CEACAM20: variants seen among roughly 807,000 people sequenced by gnomAD.
CEACAM20 encodes cell adhesion molecule CEACAM20.
In CEACAM20, 50 loss-of-function variants were observed where a neutral mutation model predicts 61.2. That is an observed-to-expected ratio of 0.82 (90% CI 0.65 to 1.03). CEACAM20 has a LOEUF of 1.03. Among genes scored for constraint, CEACAM20 ranks in the 50% least tolerant of loss-of-function variants. The pLI, the probability that CEACAM20 is intolerant of heterozygous loss-of-function variation, is 0.00. For missense variants in CEACAM20, 683 were observed against 736.4 expected, an observed-to-expected ratio of 0.93 and a Z score of 0.84; for synonymous variants, 282 against 287.7, an observed-to-expected ratio of 0.98 and a Z score of 0.20.
intron 5 of CEACAM20, among the ~76,000 whole-genome samples, chr19:44,518,150 G>GCAGGCAGGCAGGCAGGCAGGCAA: frequency 1.2e-5 from 1 of 86,624 alleles, no homozygotes; most frequent in African/African-American, 4.8e-5. Flanking sequence ...AAGGAAGGAA[G>GCAGGCAGGCAGGCAGGCAGGCAA]GAAGGAAGGA....
intron 11 of CEACAM20, 95 bp downstream of exon 11, chr19:44,510,935 T>G: frequency 6.8e-7 from 1 of 1,464,260 alleles, no homozygotes. Context: ...AAATTTTTCT[T>G]CATAGTTCAT....
Position 44,520,695 on chromosome 19 carries a change from C to T in CEACAM20, c.809G>A (p.Arg270Lys). Residue 270 changes from arginine to lysine, a missense_variant, in exon 5 of 12, where the codon AGG (arginine) becomes AAG (lysine). Transcript: ENST00000614924. ...PSSLNLVENA[R>K]SVDLTCQTVN... ...GGTTTGGCAGGTCAGGTCCACAGAC[C>T]TAGCATTCTCCACAAGGTTCAGGCT... 6.2e-7 allele frequency: 1 copy of T among 1,614,014 alleles called. No individual in the cohort carries two copies. The highest frequency in any genetic ancestry group is 8.5e-7 in the Non-Finnish European group (1 of 1,179,898).
chr19:44,525,032 G>T (rs1028174378), intron 2 of CEACAM20, 69 bp downstream of exon 2: 6 of 1,574,176 alleles, frequency 3.8e-6, no homozygotes, highest in Non-Finnish European at 5.2e-6. Flanking sequence ...GACTTTGGGC[G>T]TGAGGTTCGG....
intron 2 of CEACAM20, among the ~76,000 whole-genome samples, 155 bp downstream of exon 2, chr19:44,524,946 C>T (rs907857032): frequency 6.6e-6 from 1 of 152,114 alleles, no homozygotes; most frequent in African/African-American, 2.4e-5. Context: ...TCCCTCTTTA[C>T]CCCTGACCCC....
chr19:44,518,628 G>A (rs570411918), intron 5 of CEACAM20, among the ~76,000 whole-genome samples: 4 of 152,020 alleles, frequency 2.6e-5, no homozygotes, highest in African/African-American at 9.6e-5. Context: ...TTAAATTAAT[G>A]TAAAATACTG....
At chr19:44,516,848 C>T (rs1390157385) in intron 6 of CEACAM20, 98 bp downstream of exon 6, 1 of 1,381,224 alleles carries the variant, frequency 7.2e-7, no homozygotes, top group Non-Finnish European at 9.9e-7. Context: ...GTGGAGACTG[C>T]CACACTCCAG....
chr19:44,517,025 GT>G lies in CEACAM20; in HGVS notation c.1229del (p.His410ProfsTer27). Reference protein sequence around the residue: ...QLIIRALTWEHDGIYNCTASN... With the variant: ...QLIIRALTWEXDGIYNCTASN... Reference sequence around the variant, plus strand: ...AGGCTGTGCAGTTGTAGATCCCGTCGTGTTCCCAGGTCAGAGCCCTGATAAT... The same window carrying G: ...AGGCTGTGCAGTTGTAGATCCCGTCGGTTCCCAGGTCAGAGCCCTGATAAT... On this transcript the variant is annotated frameshift_variant, in exon 6 of 12. Coordinates refer to ENST00000614924, the MANE Select transcript of CEACAM20 (RefSeq NM_001102597.3). LOFTEE classifies it high-confidence loss of function. The G allele has an allele frequency of 6.3e-7, 1 of 1,598,188 alleles. No individual in the cohort carries two copies. The highest frequency in any genetic ancestry group is 8.5e-7 in the Non-Finnish European group (1 of 1,172,626).
chr19:44,510,547 GGAAAGAAA>G (rs770702249), intron 11 of CEACAM20, among the ~76,000 whole-genome samples: 1,984 of 52,478 alleles, frequency 0.038, 31 homozygotes, highest in Middle Eastern at 0.082. Flanking sequence ...AAGGAAGGAA[GGAAAGAAA>G]GAAAGAAAGA....
At chr19:44,525,077 A>G in intron 2 of CEACAM20, 24 bp downstream of exon 2, 1 of 1,605,494 alleles carries the variant, frequency 6.2e-7, no homozygotes, top group Non-Finnish European at 8.5e-7. Context: ...GATCAGAATG[A>G]CCGTCTTGTT....
intron 6 of CEACAM20, among the ~76,000 whole-genome samples, chr19:44,516,496 G>A (rs549636952): frequency 2.0e-4 from 30 of 152,208 alleles, no homozygotes; most frequent in African/African-American, 5.8e-4. Flanking sequence ...TTTTATAAAG[G>A]GTTTCCCCTT....
intron 4 of CEACAM20, 114 bp from the exon 5 acceptor site, chr19:44,520,866 G>C: frequency 1.2e-6 from 1 of 829,480 alleles, no homozygotes. Flanking sequence ...GTGTGTGTGT[G>C]TGTTACAGGT....
intron 6 of CEACAM20, among the ~76,000 whole-genome samples, chr19:44,515,796 T>C (rs1971137581): frequency 6.6e-6 from 1 of 152,054 alleles, no homozygotes; most frequent in African/African-American, 2.4e-5. Context: ...AGGCCCCGTC[T>C]CTACAAAAAA....
Position 44,511,672 on chromosome 19 carries a change from T to G in CEACAM20, c.1576A>C (p.Met526Leu). Residue 526 changes from methionine to leucine, a missense_variant and splice_region_variant, in exon 10 of 12, where the codon ATG (methionine) becomes CTG (leucine). By Grantham distance (15) the Met-to-Leu change is conservative (BLOSUM62 2). Coordinates refer to ENST00000614924, the MANE Select transcript of CEACAM20 (RefSeq NM_001102597.3). The stretch of plus-strand genomic sequence containing the variant: ...TCCTCTGGAAGGTCTGGTGGTTGCA[T>G]CTGGGGAAAAACAAAGTTGCAGAGA... ...QLQGRIRVEL[M>L]QPPDLPEETY... The G allele has an allele frequency of 6.2e-7, 1 of 1,612,648 alleles. No individual in the cohort carries two copies. The highest frequency in any genetic ancestry group is 8.5e-7 in the Non-Finnish European group (1 of 1,179,502).
In CEACAM20 at chr19:44,524,217, C is replaced by G. The variant is rs780570685; in HGVS notation, c.241G>C (p.Glu81Gln). 4.7e-5 allele frequency: 76 copies of G among 1,613,936 alleles called. No individual in the cohort carries two copies. In the Middle Eastern group the frequency reaches 6.6e-4, roughly 14 times the overall value. Residue 81 changes from glutamate (E) to glutamine (Q), a missense_variant, in exon 3 of 12, where the codon GAG becomes CAG. Coordinates refer to ENST00000614924, the MANE Select transcript of CEACAM20 (RefSeq NM_001102597.3). ...TAGAAGGTCACCATGTCCTTCTGCT[C>G]TATGGCAGTGCCTGGGCTGACTGCA... is the stretch of plus-strand genomic sequence containing the variant. Reference protein sequence around the residue: ...SIAVSPGTAIEQKDMVTFYCT... With the variant: ...SIAVSPGTAIQQKDMVTFYCT...
chr19:44,528,956 C>CTTTTTTT lies in CEACAM20; in HGVS notation c.52+495_52+501dup, dbSNP rs71171255. Among the ~76,000 whole-genome samples the CTTTTTTT allele has an allele frequency of 1.9e-3, 174 of 92,614 alleles. 1 individual carries two copies. The highest frequency in any genetic ancestry group is 7.0e-3 in the East Asian group (18 of 2,572). The allele number at this position is 92,614 out of a possible 152,430, so 60.8% of individuals were successfully genotyped here. On this transcript the variant is annotated intron_variant, in intron 1 of 11. Coordinates refer to ENST00000614924, the MANE Select transcript of CEACAM20 (RefSeq NM_001102597.3). ...TATTTCTGTATTTCTCTCTTTCTTT[C>CTTTTTTT]TTTTTTTTTTTTTTTTTTTTGAGAC...
intron 4 of CEACAM20, 70 bp from the exon 5 acceptor site, chr19:44,520,822 A>G (rs1272410784): frequency 6.6e-7 from 1 of 1,518,448 alleles, no homozygotes; most frequent in Non-Finnish European, 8.9e-7. Context: ...TGTGGGGCCC[A>G]CAAGTTTTTC....
At position 44,529,470 on chromosome 19, in the gene CEACAM20, T is replaced by A. The variant is rs1215504317; in HGVS notation, c.40A>T (p.Ile14Phe). The A allele has an allele frequency of 6.2e-7, 1 of 1,613,040 alleles. No homozygotes were observed. Among genetic ancestry groups the A allele is most frequent in the East Asian group, 2.2e-5 (1 of 44,810 alleles). Residue 14 changes from isoleucine to phenylalanine, a missense_variant, in exon 1 of 12, where the codon ATC becomes TTC. Physicochemically the swap from Ile to Phe is conservative, Grantham distance 21 (BLOSUM62 0). Coordinates refer to ENST00000614924, the MANE Select transcript of CEACAM20 (RefSeq NM_001102597.3). ...ADSWGHHWMG[I>F]LLSASLCTVW... ...GCAGGGCACTCACCTGAAAGCAGGA[T>A]TCCCATCCAGTGGTGTCCCCATGAG...
chr19:44,512,028 T>A lies in CEACAM20; in HGVS notation c.1564A>T (p.Arg522Ter). 1 of 1,609,410 alleles carries A rather than the reference T, an allele frequency of 6.2e-7. No individual in the cohort carries two copies. Among genetic ancestry groups the A allele is most frequent in the Non-Finnish European group, 8.5e-7 (1 of 1,177,960 alleles). ...GCAGCATCACTCACCAGTTCGACTC[T>A]GATCCGTCCCTGAAGCTGGGATATA... ...RNISQLQGRI[R>*]VELMQPPDLP... is the part of the protein sequence containing the mutation. Residue 522 changes from arginine to a stop codon, truncating the protein, a stop_gained, in exon 9 of 12, where the codon AGA (arginine) becomes TGA (stop). Transcript: ENST00000614924. LOFTEE classifies it high-confidence loss of function.
At chr19:44,517,292 A>G in intron 5 of CEACAM20, 68 bp from the exon 6 acceptor site, 2 of 1,555,498 alleles carry the variant, frequency 1.3e-6, no homozygotes, top group Non-Finnish European at 1.7e-6. Context: ...TGCCCCATTC[A>G]CTTTCACCTT....
Sources: allele counts gnomAD v4.1 joint callset (sites outside exome capture counted in the v4.1 genomes callset), GRCh38; gene constraint gnomAD v4.1.1; transcripts MANE v1.5; gene names NCBI Gene and HGNC (gene_info 2026-07-23, HGNC 2026-07-21).